ROBO1: variants seen among roughly 807,000 people sequenced by gnomAD.
ROBO1 encodes the protein roundabout homolog 1.
A neutral mutation model predicts 195.9 loss-of-function variants in ROBO1; 149 were observed. The observed-to-expected ratio is 0.76, with a 90% CI of 0.67 to 0.87. ROBO1 has a LOEUF of 0.87. Ranked by LOEUF, ROBO1 falls within the 40% of genes least tolerant of loss-of-function variation. The pLI, the probability that ROBO1 is intolerant of heterozygous loss-of-function variation, is 0.00. For synonymous variants in ROBO1, 816 were observed against 733.2 expected (o/e 1.11, Z -1.82); for missense variants, 1,933 against 2,068.3 (o/e 0.93, Z 1.27).
intron 4 of ROBO1, among the ~76,000 whole-genome samples, chr3:78,872,345 C>G (rs1003708100): frequency 6.6e-6 from 1 of 152,202 alleles, no homozygotes; most frequent in Non-Finnish European, 1.5e-5. Context: ...AAGTGACTCC[C>G]AGCTACGCTG....
Position 79,391,233 on chromosome 3 carries a change from T to C in ROBO1, c.88+198591A>G, listed in dbSNP as rs555818014. On this transcript the variant is annotated intron_variant, in intron 2 of 30. Coordinates refer to ENST00000464233, the MANE Select transcript of ROBO1 (RefSeq NM_002941.4). ...CCATGAGCCCAAGAGTTGGAGGCTATAGTGAGCTATGATCATACCACTACA... is the reference window on the plus strand; with the variant it reads ...CCATGAGCCCAAGAGTTGGAGGCTACAGTGAGCTATGATCATACCACTACA... Among the ~76,000 whole-genome samples, 68 of 151,790 alleles carry C rather than the reference T, an allele frequency of 4.5e-4. No individual in the cohort carries two copies. The Middle Eastern group carries it at 0.01, about 23-fold the overall frequency.
chr3:78,991,380 G>T (rs1650568669), intron 3 of ROBO1, among the ~76,000 whole-genome samples: 1 of 152,198 alleles, frequency 6.6e-6, no homozygotes, highest in African/African-American at 2.4e-5. Flanking sequence ...TCCAAAGTCA[G>T]CAGGAACTTT....
At chr3:79,115,137 G>T (rs2079968841) in intron 3 of ROBO1, among the ~76,000 whole-genome samples, 1 of 152,166 alleles carries the variant, frequency 6.6e-6, no homozygotes, top group African/African-American at 2.4e-5. Context: ...CAACCATCAT[G>T]AACTGGGTGA....
intron 1 of ROBO1, among the ~76,000 whole-genome samples, chr3:79,749,515 A>C (rs1704033456): frequency 6.6e-6 from 1 of 152,208 alleles, no homozygotes; most frequent in Non-Finnish European, 1.5e-5. Flanking sequence ...AGAGGTCTTC[A>C]TGGCAGCCCC....
chr3:79,502,459 C>T (rs1267059392), intron 2 of ROBO1, among the ~76,000 whole-genome samples: 1 of 152,080 alleles, frequency 6.6e-6, no homozygotes, highest in African/African-American at 2.4e-5. Context: ...GGGCAGGGCT[C>T]GGGACCTGTA....
intron 3 of ROBO1, among the ~76,000 whole-genome samples, chr3:79,092,961 G>A (rs1361607699): frequency 6.6e-6 from 1 of 152,132 alleles, no homozygotes; most frequent in Admixed American, 6.6e-5. Flanking sequence ...AATTTAAGAT[G>A]TTAAATTCAA....
intron 3 of ROBO1, among the ~76,000 whole-genome samples, chr3:79,090,326 A>C (rs1559651400): frequency 6.6e-6 from 1 of 152,266 alleles, no homozygotes; most frequent in East Asian, 1.9e-4. Context: ...GCTATAAATC[A>C]TAATTAGAAA....
chr3:79,073,351 G>A (rs1409420910), intron 3 of ROBO1, among the ~76,000 whole-genome samples: 2 of 151,950 alleles, frequency 1.3e-5, no homozygotes, highest in African/African-American at 4.8e-5. Flanking sequence ...ACTATTTGTA[G>A]AGGATGAGTG....
rs139962796 is a variant in ROBO1 at position 78,860,704 on chromosome 3, T to A, written c.499+77897A>T. On this transcript the variant is annotated intron_variant, in intron 4 of 30. Transcript: ENST00000464233. The stretch of plus-strand genomic sequence containing the variant: ...GGCTTCGGCTCCACCAGAGGTACAT[T>A]TTTAGCCCATGCGAGAACCTTCCAG... Among the ~76,000 whole-genome samples the A allele has an allele frequency of 4.6e-3, 700 of 152,184 alleles. 3 individuals carry two copies. Among genetic ancestry groups the A allele is most frequent in the Non-Finnish European group, 8.8e-3 (600 of 68,004 alleles).
intron 4 of ROBO1, among the ~76,000 whole-genome samples, chr3:78,822,083 C>CACATAT (rs1241398320): frequency 7.3e-6 from 1 of 136,208 alleles, no homozygotes; most frequent in African/African-American, 2.8e-5. Context: ...CTGGGAAACA[C>CACATAT]ACATATACAT....
intron 8 of ROBO1, among the ~76,000 whole-genome samples, chr3:78,696,727 TGTATATATAC>T (rs1441539729): frequency 2.0e-5 from 3 of 146,890 alleles, no homozygotes; most frequent in African/African-American, 7.6e-5. Context: ...TATATATACA[TGTATATATAC>T]ATATATATAT....
intron 2 of ROBO1, among the ~76,000 whole-genome samples, chr3:79,500,117 C>CTGTTT (rs1559944090): frequency 1.8e-5 from 2 of 110,612 alleles, no homozygotes; most frequent in African/African-American, 7.2e-5. Flanking sequence ...AGTAAGTTTT[C>CTGTTT]TCTTTTTTTT....
intron 1 of ROBO1, among the ~76,000 whole-genome samples, chr3:79,656,040 CACTGTCCAACCATGATG>C (rs1362370065): frequency 6.6e-6 from 1 of 152,052 alleles, no homozygotes; most frequent in Admixed American, 6.6e-5. Context: ...AGCACAAGAA[CACTGTCCAACCATGATG>C]ACTGATAAAC....
intron 3 of ROBO1, among the ~76,000 whole-genome samples, chr3:78,975,465 G>T (rs536093336): frequency 2.5e-4 from 38 of 152,194 alleles, no homozygotes; most frequent in Non-Finnish European, 4.1e-4. Flanking sequence ...AAAAGAATGA[G>T]AATTGGTTCT....
intron 5 of ROBO1, 35 bp downstream of exon 5, chr3:78,746,708 A>G (rs764470089): frequency 1.4e-6 from 2 of 1,404,354 alleles, no homozygotes; most frequent in Non-Finnish European, 1.9e-6. Flanking sequence ...CAGTTAGACC[A>G]ACAAATGTCC....
At chr3:78,857,798 T>A (rs537767638) in intron 4 of ROBO1, among the ~76,000 whole-genome samples, 1 of 152,284 alleles carries the variant, frequency 6.6e-6, no homozygotes, top group Non-Finnish European at 1.5e-5. Context: ...CCCAGGTTGG[T>A]CTCCCTCTTT....
intron 8 of ROBO1, among the ~76,000 whole-genome samples, chr3:78,698,424 C>T (rs2081349029): frequency 6.6e-6 from 1 of 152,196 alleles, no homozygotes; most frequent in Non-Finnish European, 1.5e-5. Flanking sequence ...TAAGACATAA[C>T]AATAAAGAGA....
intron 14 of ROBO1, among the ~76,000 whole-genome samples, chr3:78,666,811 C>A (rs778405019): frequency 2.6e-5 from 4 of 152,184 alleles, no homozygotes; most frequent in Non-Finnish European, 4.4e-5. Flanking sequence ...CTCTCCCAAA[C>A]CAGCAGCAAA....
intron 2 of ROBO1, among the ~76,000 whole-genome samples, chr3:79,379,711 C>G (rs2036505882): frequency 6.6e-6 from 1 of 152,126 alleles, no homozygotes; most frequent in Non-Finnish European, 1.5e-5. Context: ...TATTAAACAT[C>G]TAATACTTCC....
Sources: allele counts gnomAD v4.1 joint callset (sites outside exome capture counted in the v4.1 genomes callset), GRCh38; gene constraint gnomAD v4.1.1; transcripts MANE v1.5; gene names NCBI Gene and HGNC (gene_info 2026-07-23, HGNC 2026-07-21).